Variants in FHOD3 observed in about 807,000 individuals in gnomAD.
The protein encoded by FHOD3 is FH1/FH2 domain-containing protein 3.
A neutral mutation model predicts 173.0 loss-of-function variants in FHOD3; 90 were observed. That is an observed-to-expected ratio of 0.52 (90% CI 0.44 to 0.62). The LOEUF (loss-of-function observed/expected upper bound fraction) is 0.62. FHOD3 is among the 20% of genes least tolerant of loss of function. The probability of loss-of-function intolerance (pLI) is 0.00; values close to 1 mark genes in which losing one functional copy is unlikely to be tolerated. For synonymous variants in FHOD3, 828 were observed against 823.0 expected, an observed-to-expected ratio of 1.01 and a Z score of -0.10; for missense variants, 1,945 against 2,034.7, an observed-to-expected ratio of 0.96 and a Z score of 0.85.
intron 9 of FHOD3, among the ~76,000 whole-genome samples, chr18:36,617,610 T>TGTGC (rs1555783666): frequency 5.4e-4 from 79 of 146,116 alleles, no homozygotes; most frequent in Middle Eastern, 3.5e-3. Flanking sequence ...TGTGTGTGTG[T>TGTGC]GTGTGTGTGC....
chr18:36,589,176 T>C (rs1272659160), intron 6 of FHOD3, among the ~76,000 whole-genome samples: 1 of 152,266 alleles, frequency 6.6e-6, no homozygotes, highest in East Asian at 1.9e-4. Context: ...CAGCCATCTG[T>C]ATATTCCTGC....
At chr18:36,311,504 A>G (rs763250885) in intron 1 of FHOD3, among the ~76,000 whole-genome samples, 2 of 152,168 alleles carry the variant, frequency 1.3e-5, no homozygotes, top group African/African-American at 2.4e-5. Flanking sequence ...CACCTCCCTC[A>G]TGGGCTGTTG....
Position 36,740,723 on chromosome 18 carries a change from C to G in FHOD3, c.3644C>G (p.Pro1215Arg). 6.2e-7 allele frequency: 1 copy of G among 1,614,034 alleles called. No individual in the cohort carries two copies. Among genetic ancestry groups the G allele is most frequent in the Non-Finnish European group, 8.5e-7 (1 of 1,180,024 alleles). Residue 1215 changes from proline to arginine, a missense_variant, in exon 21 of 29, where the codon CCT (proline) becomes CGT (arginine). Pro to Arg is a moderately radical substitution (Grantham distance 103). Around this residue, in one of 5 missense-constraint regions of FHOD3, gnomAD observed 231 missense variants for 321.9 expected, o/e 0.72. Transcript: ENST00000590592. ...ATCCAGGAAGCTCAGCTGGCCAACC[C>G]TGAAATCCCCCTGGGCAGTGCAGAG... is the stretch of plus-strand genomic sequence containing the variant. ...QKIQEAQLANPEIPLGSAEQF... is the reference protein window; with the variant it reads ...QKIQEAQLANREIPLGSAEQF...
At chr18:36,444,202 A>G (rs1258163434) in intron 3 of FHOD3, among the ~76,000 whole-genome samples, 1 of 150,044 alleles carries the variant, frequency 6.7e-6, no homozygotes, top group Non-Finnish European at 1.5e-5. Context: ...CAAAAAAAAA[A>G]AAAAAAAAAA....
At chr18:36,298,673 G>T (rs2091873324) in intron 1 of FHOD3, among the ~76,000 whole-genome samples, 1 of 152,156 alleles carries the variant, frequency 6.6e-6, no homozygotes, top group Non-Finnish European at 1.5e-5. Context: ...GGCGCGGAGG[G>T]GCGGCGCGCT....
At chr18:36,395,620 T>C (rs1346866235) in intron 3 of FHOD3, among the ~76,000 whole-genome samples, 1 of 152,216 alleles carries the variant, frequency 6.6e-6, no homozygotes, top group Non-Finnish European at 1.5e-5. Flanking sequence ...CATGGAGTTT[T>C]CCAGAACCTC....
intron 10 of FHOD3, among the ~76,000 whole-genome samples, chr18:36,642,256 C>T (rs1468822130): frequency 2.0e-5 from 3 of 152,124 alleles, no homozygotes; most frequent in African/African-American, 4.8e-5. Context: ...ACCTATATAA[C>T]AGACATGTAT....
chr18:36,655,199 A>G (rs745382328), intron 13 of FHOD3, among the ~76,000 whole-genome samples: 5 of 152,118 alleles, frequency 3.3e-5, no homozygotes, highest in Non-Finnish European at 7.4e-5. Flanking sequence ...TGCGGAATGA[A>G]TCCAACATGA....
chr18:36,759,890 G>A (rs778739678), intron 26 of FHOD3, among the ~76,000 whole-genome samples: 4 of 152,208 alleles, frequency 2.6e-5, no homozygotes, highest in Admixed American at 6.5e-5. Context: ...CATTGTGTAC[G>A]TATGGTATTC....
intron 20 of FHOD3, among the ~76,000 whole-genome samples, chr18:36,736,144 T>G (rs1181072703): frequency 6.6e-6 from 1 of 152,184 alleles, no homozygotes; most frequent in Non-Finnish European, 1.5e-5. Flanking sequence ...GGTGAGTGAG[T>G]GCAGGAGCTG....
chr18:36,558,550 A>T (rs1352443546), intron 5 of FHOD3, among the ~76,000 whole-genome samples: 1 of 152,222 alleles, frequency 6.6e-6, no homozygotes, highest in Non-Finnish European at 1.5e-5. Context: ...TGACCTAATA[A>T]TCCTACTTCT....
At chr18:36,335,505 A>G (rs1277021494) in intron 1 of FHOD3, among the ~76,000 whole-genome samples, 1 of 152,064 alleles carries the variant, frequency 6.6e-6, no homozygotes, top group Non-Finnish European at 1.5e-5. Flanking sequence ...AAAAAAAAAA[A>G]AAAACTTAAA....
chr18:36,695,476 A>G (rs185539813), intron 17 of FHOD3, among the ~76,000 whole-genome samples: 2 of 152,332 alleles, frequency 1.3e-5, no homozygotes, highest in Admixed American at 1.3e-4. Context: ...AAAGAGGAAT[A>G]CTGGGCTTGA....
chr18:36,308,217 A>G (rs977741478), intron 1 of FHOD3, among the ~76,000 whole-genome samples: 4 of 152,164 alleles, frequency 2.6e-5, no homozygotes, highest in Non-Finnish European at 5.9e-5. Context: ...AAAAATAAAT[A>G]TTTTTTCTCA....
intron 3 of FHOD3, among the ~76,000 whole-genome samples, chr18:36,407,501 C>T (rs1164905239): frequency 1.3e-5 from 2 of 152,160 alleles, no homozygotes; most frequent in Non-Finnish European, 2.9e-5. Context: ...TAACCCAAGT[C>T]TAACAGGCTT....
intron 15 of FHOD3, among the ~76,000 whole-genome samples, chr18:36,685,140 T>G (rs144503012): frequency 3.0e-4 from 45 of 152,348 alleles, no homozygotes; most frequent in African/African-American, 1.0e-3. Context: ...GTTATTCATA[T>G]GTATATGTTG....
At chr18:36,651,832 A>T (rs2036075749) in intron 11 of FHOD3, among the ~76,000 whole-genome samples, 1 of 152,210 alleles carries the variant, frequency 6.6e-6, no homozygotes, top group African/African-American at 2.4e-5. Context: ...GACCACAATC[A>T]ATGAACATGT....
At position 36,612,139 on chromosome 18, in the gene FHOD3, A is replaced by C. The variant is rs747452200; in HGVS notation, c.957+44A>C. ...TGTAAGGTATCGTACAGCTTTGGCA[A>C]TTGTCAAAGGCTGAGATGGCGCCTA... On this transcript the variant is annotated intron_variant, in intron 9 of 28. Transcript: ENST00000590592. 1.6e-5 allele frequency: 25 copies of C among 1,591,774 alleles called. No individual in the cohort carries two copies. In the Admixed American group the frequency reaches 4.4e-4, roughly 28 times the overall value.
At chr18:36,495,111 A>AT (rs112373257) in intron 3 of FHOD3, among the ~76,000 whole-genome samples, 1,805 of 147,848 alleles carry the variant, frequency 0.012, 31 homozygotes, top group African/African-American at 0.042. Flanking sequence ...TAATTTTTGT[A>AT]TTTTTTTTTT....
Sources: gnomAD v4.1 joint callset for allele counts (sites outside exome capture counted in the v4.1 genomes callset) on GRCh38, gnomAD v4.1.1 for gene constraint, gnomAD v4.1.1 regional missense constraint, MANE v1.5 for transcripts, NCBI Gene and HGNC (gene_info 2026-07-23, HGNC 2026-07-21) for gene names.